The following SDK1 variants were observed in gnomAD, a reference collection of about 807,000 sequenced individuals.
SDK1 encodes the protein protein sidekick-1.
Under a neutral mutation model 245.5 loss-of-function variants are expected in SDK1, and 157 were observed. The observed-to-expected ratio is 0.64, with a 90% CI of 0.56 to 0.73. The LOEUF (loss-of-function observed/expected upper bound fraction) is 0.73, where lower values mean the gene tolerates loss of function less well. SDK1 is among the 30% of genes least tolerant of loss of function. The probability of loss-of-function intolerance (pLI) is 0.00; values close to 1 mark genes in which losing one functional copy is unlikely to be tolerated. For synonymous variants in SDK1, 1,647 were observed against 1,278.5 expected (o/e 1.29, Z -6.15); for missense variants, 3,583 against 3,002.3 (o/e 1.19, Z -4.52).
chr7:3,352,859 T>A (rs1780696869), intron 1 of SDK1, among the ~76,000 whole-genome samples: 1 of 152,180 alleles, frequency 6.6e-6, no homozygotes, highest in South Asian at 2.1e-4. Flanking sequence ...TTCTGTCCTG[T>A]ATTTTCCGAA....
chr7:3,384,590 C>T (rs1308479254), intron 1 of SDK1, among the ~76,000 whole-genome samples: 2 of 113,564 alleles, frequency 1.8e-5, no homozygotes, highest in Admixed American at 9.6e-5. Context: ...ACATCATACC[C>T]TCGAACATCG....
At chr7:3,421,327 C>T (rs1041534647) in intron 1 of SDK1, among the ~76,000 whole-genome samples, 6 of 152,186 alleles carry the variant, frequency 3.9e-5, no homozygotes, top group East Asian at 1.9e-4. Context: ...CTGCCCTCCT[C>T]GGCCTCCCAA....
intron 1 of SDK1, among the ~76,000 whole-genome samples, chr7:3,483,585 G>C (rs138244652): frequency 2.3e-3 from 351 of 152,236 alleles, no homozygotes; most frequent in African/African-American, 8.2e-3. Flanking sequence ...TACAATGCGG[G>C]ATTTTAACAA....
chr7:3,547,793 C>T (rs1252826792), intron 1 of SDK1, among the ~76,000 whole-genome samples: 1 of 152,180 alleles, frequency 6.6e-6, no homozygotes, highest in Non-Finnish European at 1.5e-5. Flanking sequence ...GTGCACACTT[C>T]ATTACACTCT....
At chr7:4,001,015 G>A (rs970160093) in intron 14 of SDK1, among the ~76,000 whole-genome samples, 13 of 152,126 alleles carry the variant, frequency 8.5e-5, no homozygotes, top group Admixed American at 2.6e-4. Flanking sequence ...ACGAGATGGG[G>A]GTCAGAGAGC....
intron 22 of SDK1, among the ~76,000 whole-genome samples, chr7:4,103,343 T>G (rs1584141096): frequency 1.3e-5 from 2 of 152,150 alleles, no homozygotes; most frequent in Non-Finnish European, 2.9e-5. Context: ...GAATTCTGCC[T>G]CCCTCTACAT....
chr7:3,475,063 A>G (rs1295872463), intron 1 of SDK1, among the ~76,000 whole-genome samples: 1 of 152,194 alleles, frequency 6.6e-6, no homozygotes, highest in Non-Finnish European at 1.5e-5. Flanking sequence ...TCCACATGGC[A>G]ACCAGGATGA....
At chr7:4,179,253 G>A (rs1332628020) in intron 35 of SDK1, 1 of 152,300 alleles carries the variant, frequency 6.6e-6, no homozygotes, top group African/African-American at 2.4e-5. Context: ...AGAGTTCCCT[G>A]ACTTCACATA....
At chr7:3,512,390 A>G (rs567510980) in intron 1 of SDK1, among the ~76,000 whole-genome samples, 2 of 152,160 alleles carry the variant, frequency 1.3e-5, no homozygotes, top group Non-Finnish European at 2.9e-5. Context: ...GTTGCTTCCA[A>G]GTTTTCGCAA....
rs1014615424 is a variant in SDK1, at chr7:4,266,524, C to T, written c.*1140C>T. 2.0e-6 allele frequency: 2 copies of T among 985,296 alleles called. No homozygotes were observed. The highest frequency in any genetic ancestry group is 1.2e-6 in the Non-Finnish European group (1 of 829,942). 61.0% of individuals were successfully genotyped at this position (985,296 alleles called of 1,614,324 possible). On this transcript the variant is annotated 3_prime_UTR_variant, in exon 45 of 45. Transcript: ENST00000404826. ...CACTGGCGCTGCTGCTGCCCCCTCT[C>T]CCAGTCCGAGGCCAGCTTTTAGCCT...
chr7:4,221,179 G>C (rs940464270), intron 39 of SDK1, 60 bp from the exon 40 acceptor site: 1 of 1,596,094 alleles, frequency 6.3e-7, no homozygotes, highest in African/African-American at 1.3e-5. Context: ...AATCTCACGG[G>C]GTGGGATGTG....
intron 5 of SDK1, among the ~76,000 whole-genome samples, chr7:3,854,439 G>C (rs963517921): frequency 1.3e-5 from 2 of 152,172 alleles, no homozygotes; most frequent in African/African-American, 4.8e-5. Context: ...ATTGCCCCCT[G>C]TCTCATTTCC....
intron 35 of SDK1, among the ~76,000 whole-genome samples, 163 bp downstream of exon 35, chr7:4,178,749 G>A (rs141361446): frequency 2.2e-4 from 33 of 152,344 alleles, no homozygotes; most frequent in African/African-American, 7.7e-4. Context: ...GGGAAAGATG[G>A]GCTCAGCTGA....
chr7:3,835,868 C>T (rs574479100), intron 5 of SDK1, among the ~76,000 whole-genome samples: 1 of 152,222 alleles, frequency 6.6e-6, no homozygotes. Flanking sequence ...TCCTGAGTTT[C>T]TGCCACTTAC....
intron 2 of SDK1, among the ~76,000 whole-genome samples, chr7:3,628,178 A>G (rs74430857): frequency 0.024 from 3,663 of 152,160 alleles, 152 homozygotes; most frequent in African/African-American, 0.083. Flanking sequence ...TGTTCTATCA[A>G]TTGGTGAGGC....
intron 5 of SDK1, among the ~76,000 whole-genome samples, chr7:3,916,230 C>T (rs1779375343): frequency 6.6e-6 from 1 of 152,218 alleles, no homozygotes; most frequent in South Asian, 2.1e-4. Context: ...AGTGGATCTA[C>T]ATTTTACATG....
In SDK1 at chr7:4,051,664, C is replaced by A. The variant is rs537410227; in HGVS notation, c.2745C>A (p.Pro915=). The A allele has an allele frequency of 6.2e-7, 1 of 1,612,406 alleles. No homozygotes were observed. Among genetic ancestry groups the A allele is most frequent in the East Asian group, 2.2e-5 (1 of 44,754 alleles). The part of the protein sequence containing the change: ...YKLLAWPADA[P]EAVTVVTIAP... The stretch of plus-strand genomic sequence containing the variant: ...TTCTGGCATGGCCGGCAGATGCCCC[C>A]GAGGCTGTCACTGTGGTCACTATTG... Residue 915 remains proline (P), a synonymous_variant, in exon 19 of 45, where the codon CCC becomes CCA. Coordinates refer to ENST00000404826, the MANE Select transcript of SDK1 (RefSeq NM_152744.4).
intron 5 of SDK1, among the ~76,000 whole-genome samples, chr7:3,943,410 C>G (rs1294611323): frequency 6.9e-6 from 1 of 145,022 alleles, no homozygotes; most frequent in Admixed American, 6.9e-5. Context: ...CTCCTCCGTC[C>G]TCCCCATTTG....
intron 4 of SDK1, among the ~76,000 whole-genome samples, chr7:3,722,362 C>T (rs899390251): frequency 6.6e-6 from 1 of 152,116 alleles, no homozygotes; most frequent in Non-Finnish European, 1.5e-5. Flanking sequence ...ATCTCTCTCC[C>T]CTGGTATGGC....
Sources: allele counts gnomAD v4.1 joint callset (sites outside exome capture counted in the v4.1 genomes callset), GRCh38; gene constraint gnomAD v4.1.1; transcripts MANE v1.5; gene names NCBI Gene and HGNC (gene_info 2026-07-23, HGNC 2026-07-21).